GRIA4: variants seen among roughly 807,000 people sequenced by gnomAD.
The protein encoded by GRIA4 is glutamate ionotropic receptor AMPA type subunit 4.
In GRIA4, 34 loss-of-function variants were observed where a neutral mutation model predicts 104.0. The ratio of observed to expected loss-of-function variants is 0.33; its 90% CI spans 0.25 to 0.44. The LOEUF (loss-of-function observed/expected upper bound fraction) is 0.44, where lower values mean the gene tolerates loss of function less well. Ranked by LOEUF, GRIA4 falls within the 20% of genes least tolerant of loss-of-function variation. The probability of loss-of-function intolerance (pLI) is 1.00; values close to 1 mark genes in which losing one functional copy is unlikely to be tolerated. For missense variants in GRIA4, 750 were observed against 1,096.5 expected (o/e 0.68, Z 4.46); for synonymous variants, 386 against 381.9 (o/e 1.01, Z -0.13).
intron 3 of GRIA4, among the ~76,000 whole-genome samples, chr11:105,660,416 AT>A (rs1951973705): frequency 6.6e-6 from 1 of 151,684 alleles, no homozygotes; most frequent in Non-Finnish European, 1.5e-5. Context: ...TTTACCCTAG[AT>A]TTTTTTGGGC....
intron 3 of GRIA4, among the ~76,000 whole-genome samples, chr11:105,619,011 T>A (rs1950670674): frequency 6.6e-6 from 1 of 151,818 alleles, no homozygotes. Flanking sequence ...ATTGCAAGGA[T>A]AACTGTAATA....
intron 14 of GRIA4, among the ~76,000 whole-genome samples, chr11:105,950,744 C>T (rs1948435884): frequency 6.6e-6 from 1 of 152,022 alleles, no homozygotes; most frequent in South Asian, 2.1e-4. Flanking sequence ...AGTATTTAGC[C>T]TGAGAGAACT....
chr11:105,885,017 G>C (rs1272155605), intron 5 of GRIA4, among the ~76,000 whole-genome samples: 1 of 152,104 alleles, frequency 6.6e-6, no homozygotes, highest in Non-Finnish European at 1.5e-5. Flanking sequence ...GGCTTAAATA[G>C]CCACACCAGA....
intron 4 of GRIA4, among the ~76,000 whole-genome samples, chr11:105,796,627 G>A (rs1462436347): frequency 1.3e-5 from 2 of 152,152 alleles, no homozygotes; most frequent in African/African-American, 4.8e-5. Flanking sequence ...TAGGTAGTGA[G>A]TAGTTATCTG....
At position 105,880,431 on chromosome 11, in the gene GRIA4, C is replaced by A. The variant is rs554681256; in HGVS notation, c.673-7088C>A. Among the ~76,000 whole-genome samples the A allele has an allele frequency of 1.3e-4, 20 of 152,238 alleles. 1 individual carries two copies. The highest frequency in any genetic ancestry group is 3.4e-4 in the African/African-American group (14 of 41,550). ...ATGGAACGAACACAGGACAAGGAAT[C>A]AAACAGCTGAATTTCAGCACTTGCT... On this transcript the variant is annotated intron_variant, in intron 5 of 16. Transcript: ENST00000282499.
At chr11:105,916,866 A>C (rs1947421420) in intron 10 of GRIA4, among the ~76,000 whole-genome samples, 1 of 152,210 alleles carries the variant, frequency 6.6e-6, no homozygotes, top group Non-Finnish European at 1.5e-5. Flanking sequence ...TAGTAGTTGT[A>C]CAGCCATTTC....
intron 3 of GRIA4, among the ~76,000 whole-genome samples, chr11:105,627,373 C>T (rs1950913720): frequency 6.6e-6 from 1 of 152,004 alleles, no homozygotes; most frequent in Admixed American, 6.6e-5. Flanking sequence ...GCCTTGTAAA[C>T]TGCCCTGGAG....
intron 3 of GRIA4, among the ~76,000 whole-genome samples, chr11:105,704,748 C>A (rs1953631866): frequency 1.3e-5 from 2 of 151,952 alleles, no homozygotes; most frequent in Non-Finnish European, 2.9e-5. Flanking sequence ...TTTAAAACAT[C>A]CCCAAAAGAT....
At chr11:105,619,807 A>C (rs1405112496) in intron 3 of GRIA4, among the ~76,000 whole-genome samples, 1 of 151,940 alleles carries the variant, frequency 6.6e-6, no homozygotes, top group Non-Finnish European at 1.5e-5. Context: ...GCCACACATA[A>C]ATTAGATGAA....
intron 8 of GRIA4, 111 bp from the exon 9 acceptor site, chr11:105,905,086 G>T: frequency 1.5e-6 from 1 of 646,248 alleles, no homozygotes; most frequent in Admixed American, 2.5e-5. Context: ...CAGTTAGTTG[G>T]TTATAGTTTA....
intron 4 of GRIA4, among the ~76,000 whole-genome samples, chr11:105,834,618 G>A (rs1034349453): frequency 2.4e-4 from 37 of 151,832 alleles, no homozygotes; most frequent in African/African-American, 8.7e-4. Flanking sequence ...AAGAAGTTAT[G>A]GAAAATGTGG....
At chr11:105,749,390 T>C (rs1296859377) in intron 3 of GRIA4, among the ~76,000 whole-genome samples, 7 of 151,936 alleles carry the variant, frequency 4.6e-5, no homozygotes, top group Non-Finnish European at 1.0e-4. Context: ...AAGAAAAGAG[T>C]TGAGCTTGTT....
chr11:105,957,303 G>A (rs929141698), intron 14 of GRIA4, among the ~76,000 whole-genome samples: 1 of 152,158 alleles, frequency 6.6e-6, no homozygotes, highest in African/African-American at 2.4e-5. Context: ...TGTAAGGAAG[G>A]GATCCAGTTT....
intron 4 of GRIA4, among the ~76,000 whole-genome samples, chr11:105,767,745 G>A (rs1233419173): frequency 6.6e-6 from 1 of 152,068 alleles, no homozygotes; most frequent in Admixed American, 6.6e-5. Context: ...TTCTAATGAG[G>A]TAGGTGGTAT....
At chr11:105,784,427 A>G (rs1013413888) in intron 4 of GRIA4, among the ~76,000 whole-genome samples, 4 of 152,212 alleles carry the variant, frequency 2.6e-5, no homozygotes, top group Admixed American at 1.3e-4. Context: ...AAAATATTTA[A>G]TTCAATATTC....
intron 3 of GRIA4, among the ~76,000 whole-genome samples, chr11:105,628,085 G>GTA: frequency 6.6e-6 from 1 of 151,622 alleles, no homozygotes; most frequent in East Asian, 1.9e-4. Context: ...GTGTGTATGT[G>GTA]TACACACACA....
chr11:105,759,893 G>A (rs1278084896), intron 4 of GRIA4, among the ~76,000 whole-genome samples: 1 of 151,950 alleles, frequency 6.6e-6, no homozygotes, highest in Non-Finnish European at 1.5e-5. Flanking sequence ...TTCATCATCA[G>A]GCTTTTTAAG....
At position 105,638,889 on chromosome 11, in the gene GRIA4, T is replaced by C. The variant is rs1951282340; in HGVS notation, c.247+26455T>C. Among the ~76,000 whole-genome samples, 4 of 152,172 alleles carry C rather than the reference T, an allele frequency of 2.6e-5. No individual in the cohort carries two copies. The South Asian group carries it at 8.3e-4, about 32-fold the overall frequency. On this transcript the variant is annotated intron_variant, in intron 3 of 16. Coordinates refer to ENST00000282499, the MANE Select transcript of GRIA4 (RefSeq NM_000829.4). ...CTTTGTTTTCCTTCCTTATCATCCT[T>C]AACTTTTTTATTAGTGAAGTTGCCG...
chr11:105,850,519 G>A (rs1358165511), intron 4 of GRIA4, among the ~76,000 whole-genome samples: 3 of 152,076 alleles, frequency 2.0e-5, no homozygotes, highest in Admixed American at 1.3e-4. Context: ...CTAATTCTAC[G>A]GTTTAATGTT....
Sources: allele counts gnomAD v4.1 joint callset (sites outside exome capture counted in the v4.1 genomes callset), GRCh38; gene constraint gnomAD v4.1.1; transcripts MANE v1.5; gene names NCBI Gene and HGNC (gene_info 2026-07-23, HGNC 2026-07-21).